Variants in NRG1 observed in about 807,000 individuals in gnomAD.
NRG1 encodes pro-neuregulin-1, membrane-bound isoform.
Under a neutral mutation model 63.8 loss-of-function variants are expected in NRG1, and 18 were observed. That is an observed-to-expected ratio of 0.28 (90% CI 0.19 to 0.42). The LOEUF (loss-of-function observed/expected upper bound fraction) is 0.42. NRG1 is among the 10% of genes least tolerant of loss of function. The pLI is 1.00. For missense variants in NRG1, 762 were observed against 814.7 expected (o/e 0.94, Z 0.79); for synonymous variants, 302 against 301.3 (o/e 1.00, Z -0.02).
chr8:32,369,713 A>G (rs953383827), intron 1 of NRG1, among the ~76,000 whole-genome samples: 1 of 152,196 alleles, frequency 6.6e-6, no homozygotes, highest in African/African-American at 2.4e-5. Flanking sequence ...TATTTAACCA[A>G]TGCTGATTAA....
At chr8:32,053,250 G>T (rs1822285151) in intron 1 of NRG1, among the ~76,000 whole-genome samples, 2 of 152,110 alleles carry the variant, frequency 1.3e-5, no homozygotes, top group Admixed American at 1.3e-4. Context: ...TGTGAGGGCT[G>T]TGTCCATTTC....
chr8:32,756,657 G>C, intron 9 of NRG1, 128 bp downstream of exon 9: 1 of 1,325,406 alleles, frequency 7.5e-7, no homozygotes, highest in East Asian at 2.5e-5. Flanking sequence ...CAGGAATCCA[G>C]GTTTTTGCCA....
At chr8:32,065,489 T>G (rs1318841866) in intron 1 of NRG1, among the ~76,000 whole-genome samples, 2 of 152,192 alleles carry the variant, frequency 1.3e-5, no homozygotes, top group Non-Finnish European at 2.9e-5. Flanking sequence ...TTGCTGAGAA[T>G]GATGGTTTCC....
intron 5 of NRG1, chr8:32,648,056 C>T (rs757143691): frequency 1.9e-6 from 3 of 1,614,100 alleles, no homozygotes; most frequent in Admixed American, 3.3e-5. Flanking sequence ...CTCACCTTGA[C>T]CCTGGGGGGT....
At chr8:31,753,038 C>T (rs1816640008) in intron 1 of NRG1, among the ~76,000 whole-genome samples, 1 of 151,976 alleles carries the variant, frequency 6.6e-6, no homozygotes, top group Non-Finnish European at 1.5e-5. Context: ...CAATCTCTTC[C>T]TCTCTGAAAG....
chr8:32,506,149 T>G (rs35385911), intron 1 of NRG1, among the ~76,000 whole-genome samples: 25,002 of 152,180 alleles, frequency 0.16, 2,282 homozygotes, highest in Non-Finnish European at 0.2. Flanking sequence ...ACATGAAGGC[T>G]GAGGCAGGAT....
At chr8:32,616,506 GA>G (rs2129541817) in intron 4 of NRG1, among the ~76,000 whole-genome samples, 1 of 152,234 alleles carries the variant, frequency 6.6e-6, no homozygotes, top group African/African-American at 2.4e-5. Context: ...GACCACATCT[GA>G]AAGAAGGAAT....
At chr8:32,142,460 A>G (rs1175404704) in intron 1 of NRG1, among the ~76,000 whole-genome samples, 4 of 152,136 alleles carry the variant, frequency 2.6e-5, no homozygotes, top group South Asian at 2.1e-4. Context: ...TCCTTCTTTC[A>G]TGTGTAATCA....
intron 1 of NRG1, among the ~76,000 whole-genome samples, chr8:31,870,746 AT>A (rs946346455): frequency 4.6e-5 from 7 of 151,688 alleles, no homozygotes; most frequent in Non-Finnish European, 1.5e-5. Flanking sequence ...TTATTTATTT[AT>A]TTTTTTTAGT....
chr8:31,743,779 T>C (rs1285954093), intron 1 of NRG1, among the ~76,000 whole-genome samples: 1 of 152,036 alleles, frequency 6.6e-6, no homozygotes, highest in African/African-American at 2.4e-5. Flanking sequence ...TGATTTTTCA[T>C]CTGCCCAGAA....
At chr8:31,996,409 T>C (rs2129633394) in intron 1 of NRG1, among the ~76,000 whole-genome samples, 1 of 151,804 alleles carries the variant, frequency 6.6e-6, no homozygotes, top group East Asian at 2.0e-4. Flanking sequence ...AAATGACACA[T>C]AAAGAGGAAG....
At chr8:31,973,121 T>C (rs1807575655) in intron 1 of NRG1, among the ~76,000 whole-genome samples, 1 of 152,134 alleles carries the variant, frequency 6.6e-6, no homozygotes, top group Non-Finnish European at 1.5e-5. Context: ...AAAAACTATG[T>C]CAATAATCTA....
chr8:32,618,404 A>C (rs989989958), intron 5 of NRG1, among the ~76,000 whole-genome samples: 3 of 152,194 alleles, frequency 2.0e-5, no homozygotes, highest in Non-Finnish European at 4.4e-5. Flanking sequence ...ATGTAAAAAA[A>C]TACTTTTGGT....
chr8:32,195,634 T>C (rs528585104), intron 1 of NRG1, among the ~76,000 whole-genome samples: 5 of 151,696 alleles, frequency 3.3e-5, no homozygotes, highest in African/African-American at 4.9e-5. Flanking sequence ...TAAAAGGAAA[T>C]GAAAGAATAA....
At position 32,480,354 on chromosome 8, in the gene NRG1, A is replaced by G. The variant is rs866301876; in HGVS notation, c.38-115474A>G. On this transcript the variant is annotated intron_variant, in intron 1 of 10. Coordinates refer to the NRG1 transcript ENST00000519301. ...AAAGGATCCAAAGTTTCAGTTAGAC[A>G]GAAAAAATAAACTTCAGTGATCTAT... 1.5e-4 allele frequency among the ~76,000 whole-genome samples: 23 copies of G among 152,226 alleles called. No individual in the cohort carries two copies. The Middle Eastern group carries it at 0.01, about 68-fold the overall frequency.
intron 1 of NRG1, among the ~76,000 whole-genome samples, chr8:32,083,437 A>G (rs117220047): frequency 0.021 from 3,173 of 152,260 alleles, 38 homozygotes; most frequent in South Asian, 0.039. Flanking sequence ...TGTGGGACAT[A>G]TCAATACAAT....
intron 1 of NRG1, among the ~76,000 whole-genome samples, chr8:32,489,702 T>C (rs1211644458): frequency 1.3e-5 from 2 of 152,228 alleles, no homozygotes; most frequent in Non-Finnish European, 2.9e-5. Context: ...GCTCTCCAAA[T>C]GTCTGTAAAA....
At chr8:32,124,774 A>G (rs776022428) in intron 1 of NRG1, among the ~76,000 whole-genome samples, 2 of 151,912 alleles carry the variant, frequency 1.3e-5, no homozygotes, top group Non-Finnish European at 2.9e-5. Context: ...AGTTATCACA[A>G]CAAAAGTAAC....
intron 1 of NRG1, among the ~76,000 whole-genome samples, chr8:32,390,879 A>AT (rs144858481): frequency 1.3e-5 from 2 of 152,260 alleles, no homozygotes; most frequent in African/African-American, 4.8e-5. Flanking sequence ...AATTAAGAAA[A>AT]TTAAAAAAAA....
Sources: gnomAD v4.1 joint callset for allele counts (sites outside exome capture counted in the v4.1 genomes callset) on GRCh38, gnomAD v4.1.1 for gene constraint, MANE v1.5 for transcripts, NCBI Gene and HGNC (gene_info 2026-07-23, HGNC 2026-07-21) for gene names.